The following PCNX2 variants were observed in gnomAD, a reference collection of about 807,000 sequenced individuals.
PCNX2 encodes the protein pecanex 2.
PCNX2 carries 168 observed loss-of-function variants against 223.8 expected under a neutral mutation model. The ratio of observed to expected loss-of-function variants is 0.75; its 90% CI spans 0.66 to 0.85. The LOEUF (loss-of-function observed/expected upper bound fraction) is 0.85, where lower values mean the gene tolerates loss of function less well. Ranked by LOEUF, PCNX2 falls within the 40% of genes least tolerant of loss-of-function variation. The pLI, the probability that PCNX2 is intolerant of heterozygous loss-of-function variation, is 0.00. For synonymous variants in PCNX2, 1,006 were observed against 1,052.6 expected, an observed-to-expected ratio of 0.96 and a Z score of 0.86; for missense variants, 2,507 against 2,675.5, an observed-to-expected ratio of 0.94 and a Z score of 1.39.
intron 12 of PCNX2, among the ~76,000 whole-genome samples, chr1:233,211,174 G>A (rs1681796569): frequency 6.6e-6 from 1 of 152,078 alleles, no homozygotes; most frequent in Non-Finnish European, 1.5e-5. Context: ...TGGCCTCAAG[G>A]GGAATGACCT....
chr1:233,044,716 T>C (rs1022302582), intron 25 of PCNX2, among the ~76,000 whole-genome samples: 5 of 152,002 alleles, frequency 3.3e-5, no homozygotes, highest in African/African-American at 1.2e-4. Flanking sequence ...TCGCCCAGGC[T>C]GGGGTGCAAT....
intron 21 of PCNX2, among the ~76,000 whole-genome samples, chr1:233,117,013 A>G (rs1253793083): frequency 1.3e-5 from 2 of 152,372 alleles, no homozygotes; most frequent in South Asian, 2.1e-4. Context: ...AACAACACAT[A>G]GTACAACAGA....
chr1:233,214,058 A>C (rs1419944389), intron 12 of PCNX2, among the ~76,000 whole-genome samples: 1 of 151,352 alleles, frequency 6.6e-6, no homozygotes, highest in Non-Finnish European at 1.5e-5. Context: ...TGAACTCCTG[A>C]CCTTGTGATC....
In PCNX2 at chr1:233,224,519, G is replaced by A. The variant is rs183912864; in HGVS notation, c.2504+2707C>T. ...TGCTTGTTACCCACTGCTTTCTTCC[G>A]CTTCCTGCCTAGCTCTTACAGTTTG... On this transcript the variant is annotated intron_variant, in intron 10 of 33. Coordinates refer to ENST00000258229, the MANE Select transcript of PCNX2 (RefSeq NM_014801.4). 2.6e-5 allele frequency among the ~76,000 whole-genome samples: 4 copies of A among 152,218 alleles called. No homozygotes were observed. In the East Asian group the frequency reaches 7.7e-4, roughly 29 times the overall value.
chr1:233,072,301 A>C (rs957183458), intron 23 of PCNX2, among the ~76,000 whole-genome samples: 5 of 152,112 alleles, frequency 3.3e-5, no homozygotes, highest in African/African-American at 1.2e-4. Context: ...CTTTAATTCA[A>C]CTTGAGTTAA....
intron 3 of PCNX2, 144 bp downstream of exon 3, chr1:233,261,901 A>G (rs1572169735): frequency 2.3e-6 from 3 of 1,301,206 alleles, no homozygotes; most frequent in Non-Finnish European, 3.2e-6. Context: ...CCATTTCCAG[A>G]CCCTGGGATG....
At chr1:233,015,597 G>C (rs538371133) in intron 27 of PCNX2, among the ~76,000 whole-genome samples, 2 of 152,304 alleles carry the variant, frequency 1.3e-5, no homozygotes, top group South Asian at 4.2e-4. Flanking sequence ...GGAGGCTGAG[G>C]CAGGAGAGTC....
In PCNX2 at chr1:233,181,417, C is replaced by T. The variant is rs188591885; in HGVS notation, c.3067-2242G>A. ...TTCACCATGTTGGTCAGACTGGTTT[C>T]GAACTCCTGACCTCAGGTGATCTGC... On this transcript the variant is annotated intron_variant, in intron 15 of 33. Transcript: ENST00000258229. Among the ~76,000 whole-genome samples the T allele has an allele frequency of 9.2e-3, 1,395 of 152,094 alleles. 13 individuals are homozygous for T. The highest frequency in any genetic ancestry group is 0.014 in the Middle Eastern group (4 of 294).
In PCNX2 at chr1:233,139,328, T is replaced by C. The variant is rs1676973341; in HGVS notation, c.3659+386A>G. Among the ~76,000 whole-genome samples, 1 of 152,146 alleles carries C rather than the reference T, an allele frequency of 6.6e-6. No homozygotes were observed. The highest frequency in any genetic ancestry group is 2.1e-4 in the South Asian group (1 of 4,834). ...TCCCCCTCCCACAAGCACAAAATGA[T>C]AGAGTATTTGCTAAATGAAATGACA... On this transcript the variant is annotated intron_variant, in intron 20 of 33. Transcript: ENST00000258229. This position sits in a 1 kb window ranked among gnomAD's most constrained non-coding sequence, Gnocchi z 4.4.
At chr1:233,233,800 C>T (rs1470746516) in intron 9 of PCNX2, among the ~76,000 whole-genome samples, 3 of 151,940 alleles carry the variant, frequency 2.0e-5, no homozygotes, top group Non-Finnish European at 4.4e-5. Context: ...TTGCTAGTCT[C>T]TTCTGAGAAA....
At chr1:233,013,605 A>G (rs1558162236) in intron 28 of PCNX2, among the ~76,000 whole-genome samples, 1 of 152,188 alleles carries the variant, frequency 6.6e-6, no homozygotes, top group Admixed American at 6.5e-5. Flanking sequence ...ACTCAAGTCA[A>G]TATCAAAAGA....
chr1:233,204,054 T>C (rs898484453), intron 13 of PCNX2, among the ~76,000 whole-genome samples: 2 of 152,202 alleles, frequency 1.3e-5, no homozygotes, highest in African/African-American at 4.8e-5. Context: ...ATGTTGAAGT[T>C]CTAACTCCCA....
At chr1:233,035,557 C>A (rs1047696387) in intron 25 of PCNX2, among the ~76,000 whole-genome samples, 3 of 152,178 alleles carry the variant, frequency 2.0e-5, no homozygotes, top group African/African-American at 7.2e-5. Flanking sequence ...GGACAAAGCT[C>A]AAACCACCCA....
At position 233,199,012 on chromosome 1, in the gene PCNX2, G is replaced by A. The variant is rs775337185; in HGVS notation, c.2993C>T (p.Ser998Leu). The change falls in exon 15 of 34, where the codon TCG becomes TTG. Residue 998 changes from serine to leucine, a missense_variant. This residue lies in a region of PCNX2 where 1,372 missense variants were observed against 1,509.4 expected (regional missense o/e 0.91). Coordinates refer to ENST00000258229, the MANE Select transcript of PCNX2 (RefSeq NM_014801.4). ...FGGSAVSGITSAVYSVARSVL... is the reference protein window; with the variant it reads ...FGGSAVSGITLAVYSVARSVL... ...GCTCCGGGCCACACTGTAAACAGCC[G>A]AGGTTATCCCAGACACAGCTGGAAC... 3.8e-6 allele frequency: 6 copies of A among 1,598,102 alleles called. No homozygotes were observed. Among genetic ancestry groups the A allele is most frequent in the South Asian group, 1.1e-5 (1 of 87,782 alleles).
intron 8 of PCNX2, among the ~76,000 whole-genome samples, chr1:233,243,665 A>G (rs116761500): frequency 0.016 from 2,490 of 152,250 alleles, 76 homozygotes; most frequent in African/African-American, 0.056. Context: ...TTTTGTTATA[A>G]AAATCAAGAA....
At chr1:233,187,447 G>C (rs1315307009) in intron 15 of PCNX2, among the ~76,000 whole-genome samples, 2 of 152,168 alleles carry the variant, frequency 1.3e-5, no homozygotes, top group East Asian at 3.9e-4. Context: ...CTAGAATGCT[G>C]TTTTCCACCT....
chr1:232,986,282 A>G lies in PCNX2; in HGVS notation c.6050T>C (p.Ile2017Thr). 2 of 1,563,544 alleles carry G rather than the reference A, an allele frequency of 1.3e-6. No individual in the cohort carries two copies. The highest frequency in any genetic ancestry group is 8.7e-7 in the Non-Finnish European group (1 of 1,154,462). Residue 2017 changes from isoleucine (I) to threonine (T), a missense_variant, in exon 33 of 34, where the codon ATC (isoleucine) becomes ACC (threonine). Around this residue, in one of 3 missense-constraint regions of PCNX2, gnomAD observed 1,372 missense variants for 1,509.4 expected, o/e 0.91. Coordinates refer to ENST00000258229, the MANE Select transcript of PCNX2 (RefSeq NM_014801.4). ...GGTGGAGGAGCCCAGGCTGGACCTG[A>G]TGAGCGCCTCGGCCCGCTCACGGAC... The part of the protein sequence containing the change: ...LSVRERAEAL[I>T]RSSLGSSTSS...
intron 17 of PCNX2, among the ~76,000 whole-genome samples, chr1:233,176,943 C>T (rs894791415): frequency 3.3e-5 from 5 of 151,890 alleles, no homozygotes; most frequent in African/African-American, 9.7e-5. Flanking sequence ...ACCTGGGAGG[C>T]GGAGCTTGCA....
Position 233,236,917 on chromosome 1 carries a change from G to A in PCNX2, c.2286C>T (p.Asp762=). The A allele has an allele frequency of 6.2e-7, 1 of 1,614,034 alleles. No homozygotes were observed. Among genetic ancestry groups the A allele is most frequent in the Non-Finnish European group, 8.5e-7 (1 of 1,179,874 alleles). The change falls in exon 9 of 34, where the codon GAC becomes GAT. Residue 762 remains aspartate, a synonymous_variant. Transcript: ENST00000258229. ...GTTGCTGAAGGGCACTGACGGCAGG[G>A]TCCCCAGAAGACGGATCTTGACTCT... ...TSESQDPSSG[D]PAVSALQQQL...
Sources: allele counts gnomAD v4.1 joint callset (sites outside exome capture counted in the v4.1 genomes callset), GRCh38; gene constraint gnomAD v4.1.1; regional missense constraint gnomAD v4.1.1; non-coding constraint Gnocchi (gnomAD v3.1); transcripts MANE v1.5; gene names NCBI Gene and HGNC (gene_info 2026-07-23, HGNC 2026-07-21).